ELAC1: variants seen among roughly 807,000 people sequenced by gnomAD.
ELAC1 encodes elaC ribonuclease Z 1.
ELAC1 carries 19 observed loss-of-function variants against 25.8 expected under a neutral mutation model. The ratio of observed to expected loss-of-function variants is 0.74; its 90% confidence interval spans 0.51 to 1.08. The LOEUF is 1.08. ELAC1 is among the 50% of genes least tolerant of loss of function. ELAC1 has a pLI of 0.00. For synonymous variants in ELAC1, 148 were observed against 160.9 expected (o/e 0.92, Z 0.61); for missense variants, 403 against 434.6 (o/e 0.93, Z 0.65).
Position 50,984,562 on chromosome 18 carries a change from T to C in ELAC1, c.624T>C (p.Leu208=). Residue 208 remains leucine (L), a splice_region_variant and synonymous_variant, in exon 3 of 4, where the codon CTT becomes CTC. Transcript: ENST00000269466. ...TCAATGCACAGAAACTTAAAGACCT[T>C]GGTAAGTGTTTTTTTGTTTTTTGTT... is the stretch of plus-strand genomic sequence containing the variant. The part of the protein sequence containing the change: ...GKLNAQKLKD[L]GVPPGPAYGK... 6.2e-7 allele frequency: 1 copy of C among 1,605,082 alleles called. No individual in the cohort carries two copies. Among genetic ancestry groups the C allele is most frequent in the Non-Finnish European group, 8.5e-7 (1 of 1,176,070 alleles).
At chr18:50,980,374 C>CA (rs1036242300) in intron 2 of ELAC1, among the ~76,000 whole-genome samples, 1 of 151,118 alleles carries the variant, frequency 6.6e-6, no homozygotes, top group African/African-American at 2.4e-5. Context: ...TAATCTTGGC[C>CA]AAAAAAACCC....
intron 1 of ELAC1, 60 bp downstream of exon 1, chr18:50,968,174 C>T (rs1045883930): frequency 1.3e-5 from 2 of 152,116 alleles, no homozygotes; most frequent in East Asian, 1.9e-4. Context: ...CTCGCCGGCT[C>T]GATCAGGCAC....
chr18:50,972,149 G>C (rs2031128904), intron 1 of ELAC1, among the ~76,000 whole-genome samples: 1 of 150,802 alleles, frequency 6.6e-6, no homozygotes, highest in Admixed American at 6.6e-5. Context: ...AAAGTTTCTG[G>C]ATTTTATGTC....
Position 50,984,504 on chromosome 18 carries a change from T to G in ELAC1, c.566T>G (p.Phe189Cys). The change falls in exon 3 of 4, where the codon TTT (phenylalanine) becomes TGT (cysteine). Residue 189 changes from phenylalanine to cysteine, a missense_variant. Transcript: ENST00000269466. ...TTTCACAGAATTCCCTCATTTGGGT[T>G]TTCAGTCGTGGAAAAGAAACGCCCA... ...RLFHRIPSFG[F>C]SVVEKKRPGK... 6.2e-7 allele frequency: 1 copy of G among 1,614,220 alleles called. No individual in the cohort carries two copies. The highest frequency in any genetic ancestry group is 8.5e-7 in the Non-Finnish European group (1 of 1,180,030).
intron 1 of ELAC1, among the ~76,000 whole-genome samples, chr18:50,970,877 C>T (rs920753981): frequency 6.6e-6 from 1 of 152,066 alleles, no homozygotes. Context: ...TCCTCTCCCA[C>T]ATCAGACTTT....
intron 2 of ELAC1, among the ~76,000 whole-genome samples, chr18:50,975,685 A>G (rs1312498699): frequency 6.6e-6 from 1 of 152,078 alleles, no homozygotes; most frequent in Admixed American, 6.5e-5. Context: ...AACTCTTCAC[A>G]GTACCTGGCA....
At position 50,986,890 on chromosome 18, in the gene ELAC1, A is replaced by G. The variant is rs1354544290; in HGVS notation, c.897A>G (p.Thr299=). 3.7e-6 allele frequency: 6 copies of G among 1,613,762 alleles called. No homozygotes were observed. Among genetic ancestry groups the G allele is most frequent in the Non-Finnish European group, 5.1e-6 (6 of 1,179,826 alleles). The part of the protein sequence containing the change: ...HGHSTPQMAA[T]FAKLCRAKRL... Reference sequence around the variant, plus strand: ...ACAGCACACCACAGATGGCAGCAACATTTGCAAAGTTGTGCCGTGCAAAGA... The same window carrying G: ...ACAGCACACCACAGATGGCAGCAACGTTTGCAAAGTTGTGCCGTGCAAAGA... Residue 299 remains threonine (T), a synonymous_variant, in exon 4 of 4, where the codon ACA becomes ACG. Coordinates refer to ENST00000269466, the MANE Select transcript of ELAC1 (RefSeq NM_018696.3).
intron 2 of ELAC1, 72 bp downstream of exon 2, chr18:50,974,633 C>A: frequency 6.8e-7 from 1 of 1,473,336 alleles, no homozygotes; most frequent in South Asian, 1.2e-5. Flanking sequence ...TCTCCTTGGA[C>A]ATTTTGTTTA....
intron 1 of ELAC1, chr18:50,968,816 C>G (rs1199270145): frequency 6.6e-6 from 1 of 152,050 alleles, no homozygotes; most frequent in Non-Finnish European, 1.5e-5. Context: ...AAACATGCAC[C>G]ATTGATTAAA....
In ELAC1 at chr18:50,986,655, A is replaced by G; in HGVS notation, c.662A>G (p.Asn221Ser). 3 of 1,613,520 alleles carry G rather than the reference A, an allele frequency of 1.9e-6. No homozygotes were observed. The highest frequency in any genetic ancestry group is 2.5e-6 in the Non-Finnish European group (3 of 1,179,602). Reference protein sequence around the residue: ...PPGPAYGKLKNGISVVLENGV... With the variant: ...PPGPAYGKLKSGISVVLENGV... ...GGTCCTGCCTATGGGAAGCTGAAAA[A>G]TGGAATTTCTGTTGTTCTGGAAAAT... The change falls in exon 4 of 4, where the codon AAT becomes AGT. Residue 221 changes from asparagine to serine, a missense_variant. Asn to Ser is a conservative substitution (Grantham distance 46). Coordinates refer to ENST00000269466, the MANE Select transcript of ELAC1 (RefSeq NM_018696.3).
At chr18:50,975,796 T>C (rs1009887482) in intron 2 of ELAC1, among the ~76,000 whole-genome samples, 3 of 152,150 alleles carry the variant, frequency 2.0e-5, no homozygotes, top group African/African-American at 7.2e-5. Flanking sequence ...TGTAATGTGA[T>C]AAGTAGAATA....
intron 1 of ELAC1, among the ~76,000 whole-genome samples, chr18:50,971,896 ATG>A (rs370758383): frequency 0.062 from 7,935 of 127,338 alleles, 359 homozygotes; most frequent in African/African-American, 0.13. Context: ...ATATGTATAT[ATG>A]TGTGTGTGTG....
At chr18:50,984,761 A>G in intron 3 of ELAC1, 198 bp downstream of exon 3, 2 of 591,778 alleles carry the variant, frequency 3.4e-6, no homozygotes, top group Non-Finnish European at 6.0e-6. Context: ...GCGAAACCCC[A>G]TCTCTACTAA....
intron 1 of ELAC1, among the ~76,000 whole-genome samples, chr18:50,970,184 G>C (rs979379921): frequency 6.6e-6 from 1 of 151,942 alleles, no homozygotes; most frequent in Non-Finnish European, 1.5e-5. Flanking sequence ...TGAATTCCTG[G>C]CCTCAAGCCA....
Position 50,984,506 on chromosome 18 carries a change from T to C in ELAC1, c.568T>C (p.Ser190Pro). The change falls in exon 3 of 4, where the codon TCA becomes CCA. Residue 190 changes from serine (S) to proline (P), a missense_variant. By Grantham distance (74) the Ser-to-Pro change is moderately conservative. Coordinates refer to ENST00000269466, the MANE Select transcript of ELAC1 (RefSeq NM_018696.3). ...TCACAGAATTCCCTCATTTGGGTTT[T>C]CAGTCGTGGAAAAGAAACGCCCAGG... The part of the protein sequence containing the change: ...LFHRIPSFGF[S>P]VVEKKRPGKL... 1.9e-6 allele frequency: 3 copies of C among 1,614,254 alleles called. No homozygotes were observed. The highest frequency in any genetic ancestry group is 2.7e-5 in the African/African-American group (2 of 75,066).
intron 2 of ELAC1, among the ~76,000 whole-genome samples, chr18:50,976,929 C>T (rs931739442): frequency 2.6e-5 from 4 of 152,194 alleles, no homozygotes; most frequent in African/African-American, 4.8e-5. Flanking sequence ...ATAGGCCCCA[C>T]GCAAGTCCAA....
rs1474555501 is a variant in ELAC1, at chr18:50,979,367, C to G, written c.158-4729C>G. On this transcript the variant is annotated intron_variant, in intron 2 of 3. Coordinates refer to ENST00000269466, the MANE Select transcript of ELAC1 (RefSeq NM_018696.3). ...ATCAGAGGCCCAACTGGGGAAGATT[C>G]TGCTTCTCAGCTCTTTCAGGTTGTT... is the stretch of plus-strand genomic sequence containing the variant. Among the ~76,000 whole-genome samples the G allele has an allele frequency of 4.6e-5, 7 of 152,298 alleles. No homozygotes were observed. In the East Asian group the frequency reaches 7.7e-4, roughly 17 times the overall value.
At chr18:50,968,854 T>C (rs1246497144) in intron 1 of ELAC1, 1 of 152,228 alleles carries the variant, frequency 6.6e-6, no homozygotes, top group African/African-American at 2.4e-5. Flanking sequence ...CCGACCTATT[T>C]GGAGGGTTTT....
chr18:50,971,910 GTGTATA>G (rs1387597271), intron 1 of ELAC1, among the ~76,000 whole-genome samples: 56 of 64,172 alleles, frequency 8.7e-4, no homozygotes, highest in African/African-American at 1.9e-3. Context: ...GTGTGTGTGT[GTGTATA>G]TATATATATA....
Sources: gnomAD v4.1 joint callset for allele counts (sites outside exome capture counted in the v4.1 genomes callset) on GRCh38, gnomAD v4.1.1 for gene constraint, MANE v1.5 for transcripts, NCBI Gene and HGNC (gene_info 2026-07-23, HGNC 2026-07-21) for gene names.